ASB1: variants seen among roughly 807,000 people sequenced by gnomAD.
The protein encoded by ASB1 is ankyrin repeat and SOCS box containing 1.
ASB1 carries 18 observed loss-of-function variants against 27.7 expected under a neutral mutation model. The ratio of observed to expected loss-of-function variants is 0.65; its 90% confidence interval spans 0.45 to 0.96. ASB1 has a LOEUF of 0.96. Ranked by LOEUF, ASB1 falls within the 50% of genes least tolerant of loss-of-function variation. ASB1 has a pLI of 0.00. For missense variants in ASB1, 397 were observed against 451.7 expected (o/e 0.88, Z 1.10); for synonymous variants, 189 against 187.6 (o/e 1.01, Z -0.06).
At position 238,449,823 on chromosome 2, in the gene ASB1, TTC is replaced by T. The variant is rs1702248902; in HGVS notation, c.*3313_*3314del. The stretch of plus-strand genomic sequence containing the variant: ...TTTTAGTAAGTTTTCTTTTTCCTTT[TTC>T]AATGAATTGATTCTTCAAATTAAAA... On this transcript the variant is annotated 3_prime_UTR_variant, in exon 5 of 5. Transcript: ENST00000264607. 1 of 152,248 alleles carries T rather than the reference TTC, an allele frequency of 6.6e-6. No homozygotes were observed. Among genetic ancestry groups the T allele is most frequent in the South Asian group, 2.1e-4 (1 of 4,836 alleles). 9.4% of individuals were successfully genotyped at this position (152,248 alleles called of 1,614,324 possible).
In ASB1 at chr2:238,450,637, G is replaced by A. The variant is rs1702264826; in HGVS notation, c.*4126G>A. 6.6e-6 allele frequency: 1 copy of A among 152,254 alleles called. No individual in the cohort carries two copies. Among genetic ancestry groups the A allele is most frequent in the African/African-American group, 2.4e-5 (1 of 41,462 alleles). 9.4% of individuals were successfully genotyped at this position (152,254 alleles called of 1,614,324 possible). ...ATTTCTGCTGCTCATGGCCAAGAAC[G>A]AGTCTGGAGATCGCTGCGTGCGGTT... On this transcript the variant is annotated 3_prime_UTR_variant, in exon 5 of 5. Coordinates refer to ENST00000264607, the MANE Select transcript of ASB1 (RefSeq NM_001040445.3).
intron 1 of ASB1, 38 bp downstream of exon 1, chr2:238,427,157 G>T (rs1048449893): frequency 8.1e-7 from 1 of 1,228,256 alleles, no homozygotes; most frequent in Non-Finnish European, 1.0e-6. Context: ...GGGGCGTGTG[G>T]GGATGGCGAA....
At chr2:238,436,776 T>C (rs78637286) in intron 3 of ASB1, among the ~76,000 whole-genome samples, 4 of 105,836 alleles carry the variant, frequency 3.8e-5, no homozygotes, top group East Asian at 2.4e-4. Context: ...CTCTCTCTCT[T>C]TTTTTTTTTT....
intron 2 of ASB1, among the ~76,000 whole-genome samples, chr2:238,434,977 C>T (rs1701939416): frequency 6.6e-6 from 1 of 152,234 alleles, no homozygotes; most frequent in South Asian, 2.1e-4. Flanking sequence ...GGAGCTGCTT[C>T]CCCTGCATGT....
rs1244451501 is a variant in ASB1 at position 238,448,380 on chromosome 2, G to A, written c.*1869G>A. 1.3e-5 allele frequency: 2 copies of A among 152,402 alleles called. No individual in the cohort carries two copies. The highest frequency in any genetic ancestry group is 4.8e-5 in the African/African-American group (2 of 41,450). The allele number at this position is 152,402 out of a possible 1,614,324, so 9.4% of individuals were successfully genotyped here. A position where few individuals can be genotyped will look rare whatever the true frequency, so the allele number is the denominator to read the frequency against. The stretch of plus-strand genomic sequence containing the variant: ...CGTGGACTGGGCCTTGTCACTGGAG[G>A]TCGTAGGCAGTGGCTCATCACCCTG... On this transcript the variant is annotated 3_prime_UTR_variant, in exon 5 of 5. Coordinates refer to ENST00000264607, the MANE Select transcript of ASB1 (RefSeq NM_001040445.3).
At chr2:238,431,653 G>A (rs1020966358) in intron 1 of ASB1, among the ~76,000 whole-genome samples, 1 of 152,190 alleles carries the variant, frequency 6.6e-6, no homozygotes, top group Non-Finnish European at 1.5e-5. Context: ...AGAGATGTGT[G>A]ACTGTTTCTT....
rs1702202678 is a variant in ASB1 at position 238,447,433 on chromosome 2, C to G, written c.*922C>G. 1 of 152,526 alleles carries G rather than the reference C, an allele frequency of 6.6e-6. No individual in the cohort carries two copies. The highest frequency in any genetic ancestry group is 1.5e-5 in the Non-Finnish European group (1 of 68,106). 9.4% of individuals were successfully genotyped at this position (152,526 alleles called of 1,614,324 possible). On this transcript the variant is annotated 3_prime_UTR_variant, in exon 5 of 5. Coordinates refer to ENST00000264607, the MANE Select transcript of ASB1 (RefSeq NM_001040445.3). ...CATCTGGCGGTTGGTTGATTGCTCT[C>G]TTTTGTCTTGGTCGCTGCTTCTAGA... is the stretch of plus-strand genomic sequence containing the variant.
intron 1 of ASB1, among the ~76,000 whole-genome samples, chr2:238,432,047 G>A (rs184687391): frequency 1.6e-4 from 24 of 152,288 alleles, no homozygotes; most frequent in Admixed American, 3.3e-4. Context: ...ACACAATTAC[G>A]TGTGAAGCTT....
At chr2:238,433,473 G>T (rs1034647419) in intron 1 of ASB1, 81 bp from the exon 2 acceptor site, 3 of 1,532,468 alleles carry the variant, frequency 2.0e-6, no homozygotes, top group Non-Finnish European at 2.7e-6. Flanking sequence ...GAGAGGGAAG[G>T]CTCGCTGCAG....
intron 2 of ASB1, among the ~76,000 whole-genome samples, chr2:238,434,614 C>G (rs930621156): frequency 1.3e-5 from 2 of 152,152 alleles, no homozygotes; most frequent in Non-Finnish European, 2.9e-5. Flanking sequence ...TTCATCAAAA[C>G]AGATATCAGT....
chr2:238,444,167 A>G (rs886969355), intron 3 of ASB1, among the ~76,000 whole-genome samples, 175 bp from the exon 4 acceptor site: 1 of 152,150 alleles, frequency 6.6e-6, no homozygotes, highest in Admixed American at 6.5e-5. Flanking sequence ...CTTTCCTGCT[A>G]CCTTATCTTG....
Position 238,433,639 on chromosome 2 carries a change from T to C in ASB1, c.135T>C (p.Ala45=), listed in dbSNP as rs751834011. 6.2e-7 allele frequency: 1 copy of C among 1,614,102 alleles called. No homozygotes were observed. The highest frequency in any genetic ancestry group is 8.5e-7 in the Non-Finnish European group (1 of 1,179,990). The part of the protein sequence containing the change: ...HCEDTRLHDA[A]YVGDLQTLRS... ...AGGACACGAGGCTCCATGATGCAGC[T>C]TACGTCGGGGACCTCCAGACCCTCA... The change falls in exon 2 of 5, where the codon GCT becomes GCC. Residue 45 remains alanine (A), a synonymous_variant. Coordinates refer to ENST00000264607, the MANE Select transcript of ASB1 (RefSeq NM_001040445.3).
At chr2:238,435,624 G>A in intron 2 of ASB1, 87 bp from the exon 3 acceptor site, 1 of 1,381,950 alleles carries the variant, frequency 7.2e-7, no homozygotes, top group Non-Finnish European at 9.8e-7. Flanking sequence ...GGGGGACCGT[G>A]TCCATGCTGC....
chr2:238,441,737 T>G (rs1183651198), intron 3 of ASB1, among the ~76,000 whole-genome samples: 1 of 152,210 alleles, frequency 6.6e-6, no homozygotes, highest in Non-Finnish European at 1.5e-5. Context: ...AGTGGACACG[T>G]GGGTGGTTTA....
rs1702266799 is a variant in ASB1 at position 238,450,740 on chromosome 2, G to A, written c.*4229G>A. ...TGGGACACACTCACAGGAAGCTGAT[G>A]TGGCCTTCTCGGTGAGGACTGCACC... On this transcript the variant is annotated 3_prime_UTR_variant, in exon 5 of 5. Transcript: ENST00000264607. The A allele has an allele frequency of 6.6e-6, 1 of 152,312 alleles. No homozygotes were observed. Among genetic ancestry groups the A allele is most frequent in the Admixed American group, 6.5e-5 (1 of 15,282 alleles). The allele number at this position is 152,312 out of a possible 1,614,324, so 9.4% of individuals were successfully genotyped here.
At position 238,446,659 on chromosome 2, in the gene ASB1, C is replaced by A; in HGVS notation, c.*148C>A. ...GTAGACTGTCATTGCTCCTCAGGTG[C>A]CTGGGCCGCTGAACAGTCCTTGGGT... On this transcript the variant is annotated 3_prime_UTR_variant, in exon 5 of 5. Transcript: ENST00000264607. 9.8e-7 allele frequency: 1 copy of A among 1,016,548 alleles called. No homozygotes were observed. The highest frequency in any genetic ancestry group is 1.9e-5 in the Admixed American group (1 of 51,568). 63.0% of individuals were successfully genotyped at this position (1,016,548 alleles called of 1,614,324 possible). A position where few individuals can be genotyped will look rare whatever the true frequency, so the allele number is the denominator to read the frequency against.
At chr2:238,433,426 T>G in intron 1 of ASB1, 128 bp from the exon 2 acceptor site, 2 of 1,160,378 alleles carry the variant, frequency 1.7e-6, no homozygotes, top group Non-Finnish European at 2.4e-6. Context: ...CAGCTTGTGA[T>G]TTATTTCTTG....
rs372374385 is a variant in ASB1, at chr2:238,446,549, G to C, written c.*38G>C. The C allele has an allele frequency of 1.2e-6, 2 of 1,609,368 alleles. No homozygotes were observed. The highest frequency in any genetic ancestry group is 1.7e-6 in the Non-Finnish European group (2 of 1,179,464). On this transcript the variant is annotated 3_prime_UTR_variant, in exon 5 of 5. Coordinates refer to ENST00000264607, the MANE Select transcript of ASB1 (RefSeq NM_001040445.3). ...GCGGTTGATTCCAGTGAGGGAGAAA[G>C]TGATCTGCAGGGAGGTGGACACCGA... is the stretch of plus-strand genomic sequence containing the variant.
Position 238,435,743 on chromosome 2 carries a change from G to A in ASB1, c.224G>A (p.Gly75Asp). Residue 75 changes from glycine (G) to aspartate (D), a missense_variant, in exon 3 of 5, where the codon GGC becomes GAC. Coordinates refer to ENST00000264607, the MANE Select transcript of ASB1 (RefSeq NM_001040445.3). ...RINEKSVWCC[G>D]WLPCTPLRIA... The stretch of plus-strand genomic sequence containing the variant: ...AACGAGAAGTCTGTCTGGTGCTGTG[G>A]CTGGCTCCCCTGCACACCGTTGCGA... 6.2e-7 allele frequency: 1 copy of A among 1,613,936 alleles called. No individual in the cohort carries two copies. Among genetic ancestry groups the A allele is most frequent in the Non-Finnish European group, 8.5e-7 (1 of 1,179,962 alleles).
Sources: gnomAD v4.1 joint callset for allele counts (sites outside exome capture counted in the v4.1 genomes callset) on GRCh38, gnomAD v4.1.1 for gene constraint, MANE v1.5 for transcripts, NCBI Gene and HGNC (gene_info 2026-07-23, HGNC 2026-07-21) for gene names.